The following ABLIM3 variants were observed in gnomAD, a reference collection of about 807,000 sequenced individuals.
ABLIM3 encodes actin-binding LIM protein 3.
Under a neutral mutation model 109.5 loss-of-function variants are expected in ABLIM3, and 61 were observed. The observed-to-expected ratio is 0.56, with a 90% confidence interval of 0.45 to 0.69. The LOEUF (loss-of-function observed/expected upper bound fraction) is 0.69. Ranked by LOEUF, ABLIM3 falls within the 30% of genes least tolerant of loss-of-function variation. ABLIM3 has a pLI of 0.00. For synonymous variants in ABLIM3, 300 were observed against 324.8 expected, an observed-to-expected ratio of 0.92 and a Z score of 0.82; for missense variants, 796 against 889.5, an observed-to-expected ratio of 0.89 and a Z score of 1.34.
At chr5:149,210,958 C>A in intron 7 of ABLIM3, 139 bp downstream of exon 7, 1 of 750,236 alleles carries the variant, frequency 1.3e-6, no homozygotes, top group Non-Finnish European at 2.3e-6. Flanking sequence ...GCTACATGAC[C>A]TTGAGCAGAT....
chr5:149,242,429 C>G lies in ABLIM3; in HGVS notation c.1304-62C>G, dbSNP rs1311361654. 1.4e-5 allele frequency: 22 copies of G among 1,536,752 alleles called. 1 individual carries two copies. Among genetic ancestry groups the G allele is most frequent in the Non-Finnish European group, 2.0e-5 (22 of 1,110,360 alleles). ...AACTGACCAAGTACTATCTCCTTTT[C>G]TCCCTTTTCTCCTGTCTCTCTCTCT... is the stretch of plus-strand genomic sequence containing the variant. On this transcript the variant is annotated intron_variant, in intron 14 of 23. Coordinates refer to ENST00000309868, the MANE Select transcript of ABLIM3 (RefSeq NM_014945.5).
chr5:149,164,488 T>C (rs967529951), intron 2 of ABLIM3, among the ~76,000 whole-genome samples: 4 of 152,126 alleles, frequency 2.6e-5, no homozygotes, highest in African/African-American at 9.7e-5. Context: ...CAAAATATAG[T>C]CTCCAGACCC....
intron 2 of ABLIM3, among the ~76,000 whole-genome samples, chr5:149,174,083 C>T (rs1379079784): frequency 7.9e-6 from 1 of 125,848 alleles, no homozygotes; most frequent in Non-Finnish European, 1.7e-5. Flanking sequence ...GATGTAAAAA[C>T]AAACACCGGG....
intron 1 of ABLIM3, 83 bp from the exon 2 acceptor site, chr5:149,141,926 G>A (rs992708520): frequency 8.1e-6 from 8 of 986,272 alleles, no homozygotes; most frequent in African/African-American, 8.0e-5. Context: ...AGGGGCTACA[G>A]CCCAGACAGA....
chr5:149,183,878 T>C (rs1756698382), intron 3 of ABLIM3, among the ~76,000 whole-genome samples: 1 of 152,124 alleles, frequency 6.6e-6, no homozygotes, highest in South Asian at 2.1e-4. Flanking sequence ...GACTCCTGGT[T>C]TGTGCCTATA....
intron 12 of ABLIM3, 77 bp from the exon 13 acceptor site, chr5:149,239,682 C>G (rs1207839770): frequency 6.7e-7 from 1 of 1,501,136 alleles, no homozygotes; most frequent in Non-Finnish European, 8.9e-7. Flanking sequence ...CATGTCATGC[C>G]CACCTGCCTG....
At chr5:149,245,056 C>G in intron 16 of ABLIM3, 41 bp downstream of exon 16, 2 of 1,613,476 alleles carry the variant, frequency 1.2e-6, no homozygotes, top group Non-Finnish European at 1.7e-6. Context: ...GCCCTAACAC[C>G]TGTGCCAAGG....
chr5:149,207,313 G>A (rs1234751495), intron 6 of ABLIM3, among the ~76,000 whole-genome samples, 179 bp downstream of exon 6: 1 of 151,956 alleles, frequency 6.6e-6, no homozygotes, highest in East Asian at 1.9e-4. Context: ...TCCCGGGGGG[G>A]TTTCCCTCTG....
intron 5 of ABLIM3, among the ~76,000 whole-genome samples, chr5:149,201,088 CA>C: frequency 6.6e-6 from 1 of 152,110 alleles, no homozygotes; most frequent in East Asian, 1.9e-4. Flanking sequence ...TATCACCAAC[CA>C]CAGATTTGGA....
intron 8 of ABLIM3, among the ~76,000 whole-genome samples, chr5:149,224,653 A>G (rs976520704): frequency 1.3e-5 from 2 of 152,168 alleles, no homozygotes; most frequent in Non-Finnish European, 2.9e-5. Flanking sequence ...TACCCAAACT[A>G]GATCCTGGCA....
rs759481034 is a variant in ABLIM3 at position 149,207,022 on chromosome 5, A to G, written c.463A>G (p.Lys155Glu). ...IRGPSHCAGC[K>E]EEIKHGQSLL... ...TTGTCTTGCAGACTGTGCCGGGTGC[A>G]AGGAGGAGATCAAGCACGGCCAGTC... The change falls in exon 6 of 24, where the codon AAG becomes GAG. Residue 155 changes from lysine (K) to glutamate (E), a missense_variant. Transcript: ENST00000309868. 1.0e-4 allele frequency: 168 copies of G among 1,613,728 alleles called. No homozygotes were observed. The highest frequency in any genetic ancestry group is 1.3e-4 in the Non-Finnish European group (159 of 1,179,876).
intron 2 of ABLIM3, among the ~76,000 whole-genome samples, chr5:149,152,718 G>C (rs1428633032): frequency 6.6e-6 from 1 of 152,122 alleles, no homozygotes; most frequent in Middle Eastern, 3.2e-3. Flanking sequence ...TGACATACGG[G>C]ACATGCCTGG....
At chr5:149,203,911 G>C (rs113503401) in intron 5 of ABLIM3, among the ~76,000 whole-genome samples, 1 of 152,200 alleles carries the variant, frequency 6.6e-6, no homozygotes, top group African/African-American at 2.4e-5. Flanking sequence ...CTGAGACTCA[G>C]TGAGCATAAA....
chr5:149,150,591 G>A (rs2127433319), intron 2 of ABLIM3, among the ~76,000 whole-genome samples: 1 of 152,320 alleles, frequency 6.6e-6, no homozygotes, highest in Middle Eastern at 3.4e-3. Flanking sequence ...CTGAACTCCA[G>A]CTTTCCTATC....
chr5:149,252,049 T>A, intron 21 of ABLIM3, 152 bp from the exon 22 acceptor site: 1 of 766,692 alleles, frequency 1.3e-6, no homozygotes, highest in Non-Finnish European at 2.0e-6. Flanking sequence ...TCCTTCAGGG[T>A]GAATTCAGCA....
At chr5:149,176,193 C>T (rs1436633198) in intron 2 of ABLIM3, among the ~76,000 whole-genome samples, 3 of 152,184 alleles carry the variant, frequency 2.0e-5, no homozygotes. Context: ...TTTACCTGCC[C>T]ATGCCAGGGA....
chr5:149,171,185 C>A (rs944210307), intron 2 of ABLIM3, among the ~76,000 whole-genome samples: 2 of 152,114 alleles, frequency 1.3e-5, no homozygotes, highest in Non-Finnish European at 2.9e-5. Flanking sequence ...ATTAGAGATG[C>A]AATAAAAAGC....
intron 16 of ABLIM3, among the ~76,000 whole-genome samples, 187 bp downstream of exon 16, chr5:149,245,202 A>G (rs1753227626): frequency 6.6e-6 from 1 of 152,220 alleles, no homozygotes; most frequent in Admixed American, 6.5e-5. Context: ...CTAGCAATAC[A>G]CTGGGGAGCA....
intron 5 of ABLIM3, among the ~76,000 whole-genome samples, chr5:149,203,779 C>T (rs971384534): frequency 6.6e-6 from 1 of 152,210 alleles, no homozygotes; most frequent in African/African-American, 2.4e-5. Flanking sequence ...AGCATCACCA[C>T]CACTAACATA....
Sources: allele counts gnomAD v4.1 joint callset (sites outside exome capture counted in the v4.1 genomes callset), GRCh38; gene constraint gnomAD v4.1.1; transcripts MANE v1.5; gene names NCBI Gene and HGNC (gene_info 2026-07-23, HGNC 2026-07-21).